HSH2D: variants seen among roughly 807,000 people sequenced by gnomAD.
The protein encoded by HSH2D is hematopoietic SH2 domain containing.
HSH2D carries 16 observed loss-of-function variants against 21.5 expected under a neutral mutation model. The observed-to-expected ratio is 0.74, with a 90% CI of 0.50 to 1.13. The LOEUF (loss-of-function observed/expected upper bound fraction) is 1.13. Ranked by LOEUF, HSH2D falls within the 50% of genes most tolerant of loss-of-function variation. The probability of loss-of-function intolerance (pLI) is 0.00; values close to 1 mark genes in which losing one functional copy is unlikely to be tolerated. For missense variants in HSH2D, 418 were observed against 441.4 expected (o/e 0.95, Z 0.47); for synonymous variants, 172 against 184.7 (o/e 0.93, Z 0.56).
intron 5 of HSH2D, among the ~76,000 whole-genome samples, chr19:16,156,844 C>T (rs1244232854): frequency 1.3e-5 from 2 of 152,004 alleles, no homozygotes; most frequent in Non-Finnish European, 2.9e-5. Flanking sequence ...AAAAATTAGC[C>T]AGGCGTGGTG....
chr19:16,142,845 T>C (rs971528587), upstream of HSH2D, among the ~76,000 whole-genome samples: 2 of 151,648 alleles, frequency 1.3e-5, no homozygotes, highest in South Asian at 4.2e-4. Context: ...TGATCTCGGC[T>C]CACTGCAGCC....
At chr19:16,145,242 T>C (rs1381735767) in intron 1 of HSH2D, among the ~76,000 whole-genome samples, 1 of 152,010 alleles carries the variant, frequency 6.6e-6, no homozygotes, top group Non-Finnish European at 1.5e-5. Context: ...AGATGGAGTC[T>C]TGCTCTGTTG....
At chr19:16,145,308 A>T (rs1380759662) in intron 1 of HSH2D, among the ~76,000 whole-genome samples, 1 of 150,930 alleles carries the variant, frequency 6.6e-6, no homozygotes, top group Non-Finnish European at 1.5e-5. Context: ...CGCCTCCCAG[A>T]TTCACGCAAT....
upstream of HSH2D, among the ~76,000 whole-genome samples, chr19:16,143,170 C>T (rs139410119): frequency 2.2e-3 from 334 of 151,586 alleles, no homozygotes; most frequent in African/African-American, 7.8e-3. Context: ...CTGCAACCTC[C>T]GCCTCCCGGG....
chr19:16,137,716 G>T (rs911087603), intron 1 of HSH2D, among the ~76,000 whole-genome samples: 2 of 152,126 alleles, frequency 1.3e-5, no homozygotes, highest in Admixed American at 6.5e-5. Flanking sequence ...CAAGTAGCTG[G>T]TACTACAGGT....
chr19:16,153,668 A>C (rs936845557), intron 4 of HSH2D, among the ~76,000 whole-genome samples: 4 of 106,766 alleles, frequency 3.7e-5, no homozygotes, highest in East Asian at 2.8e-4. Flanking sequence ...TTTCCTTAGA[A>C]GCTCGGTGGG....
chr19:16,147,836 G>C (rs1454844692), intron 1 of HSH2D, among the ~76,000 whole-genome samples: 1 of 152,016 alleles, frequency 6.6e-6, no homozygotes, highest in South Asian at 2.1e-4. Context: ...GTAGTGACAG[G>C]GTTTCACCAC....
At chr19:16,155,620 T>C (rs967704020) in intron 5 of HSH2D, 4 of 17,018 alleles carry the variant, frequency 2.4e-4, no homozygotes, top group South Asian at 3.2e-3. Context: ...ATGGGAGGAC[T>C]TTTTTTTTTT....
At chr19:16,151,976 G>A (rs1343815163) in intron 2 of HSH2D, among the ~76,000 whole-genome samples, 1 of 149,632 alleles carries the variant, frequency 6.7e-6, no homozygotes. Flanking sequence ...GCATGGTGGC[G>A]GGCGCCTGTA....
chr19:16,145,255 C>G (rs1354884007), intron 1 of HSH2D, among the ~76,000 whole-genome samples: 2 of 151,936 alleles, frequency 1.3e-5, no homozygotes, highest in African/African-American at 4.8e-5. Context: ...CTCTGTTGCC[C>G]AGGCTGGAGT....
intron 5 of HSH2D, chr19:16,155,619 CTTTTT>C (rs35262744): frequency 4.4e-5 from 5 of 114,162 alleles, no homozygotes; most frequent in East Asian, 2.6e-4. Context: ...CATGGGAGGA[CTTTTT>C]TTTTTTTTTT....
intron 5 of HSH2D, chr19:16,154,756 C>T (rs2091216595): frequency 3.2e-6 from 1 of 312,216 alleles, no homozygotes; most frequent in Non-Finnish European, 6.1e-6. Flanking sequence ...CTCGGGGTCT[C>T]TGCGTGTGCC....
chr19:16,152,469 G>A, intron 2 of HSH2D, 83 bp from the exon 3 acceptor site: 12 of 725,682 alleles, frequency 1.7e-5, no homozygotes, highest in Non-Finnish European at 2.5e-5. Flanking sequence ...CCTTCTCCAT[G>A]AATGATCCCA....
chr19:16,151,548 G>T (rs983446677), intron 2 of HSH2D: 1 of 455,858 alleles, frequency 2.2e-6, no homozygotes. Context: ...GTAGAGCTGG[G>T]TTATGAACTC....
At chr19:16,142,271 A>G (rs1599408868), upstream of HSH2D, among the ~76,000 whole-genome samples, 1 of 152,206 alleles carries the variant, frequency 6.6e-6, no homozygotes, top group East Asian at 1.9e-4. Flanking sequence ...CTACAAAAAA[A>G]TATACTCTTT....
intron 1 of HSH2D, among the ~76,000 whole-genome samples, chr19:16,135,920 T>C (rs1345175541): frequency 1.3e-5 from 2 of 152,176 alleles, no homozygotes; most frequent in Non-Finnish European, 2.9e-5. Context: ...AAATGGCCTC[T>C]AGGGTGAGCA....
At chr19:16,150,762 G>A (rs899065312) in intron 2 of HSH2D, among the ~76,000 whole-genome samples, 1 of 152,130 alleles carries the variant, frequency 6.6e-6, no homozygotes, top group Non-Finnish European at 1.5e-5. Flanking sequence ...GGAGGCTGAG[G>A]TGGGAGGATC....
chr19:16,157,948 A>G lies in HSH2D; in HGVS notation c.*154A>G, dbSNP rs914190391. On this transcript the variant is annotated 3_prime_UTR_variant, in exon 6 of 6. Coordinates refer to ENST00000613986, the MANE Select transcript of HSH2D (RefSeq NM_001382417.1). This position sits in a 1 kb window ranked among gnomAD's most constrained non-coding sequence, Gnocchi z 4.4. Reference sequence around the variant, plus strand: ...AGATGTTTTTGGGGTCTGTTCCTGCACTCACCCATGGGGTGAGCTGGTTAT... The same window carrying G: ...AGATGTTTTTGGGGTCTGTTCCTGCGCTCACCCATGGGGTGAGCTGGTTAT... The G allele has an allele frequency of 4.9e-6, 3 of 608,254 alleles. No individual in the cohort carries two copies. Among genetic ancestry groups the G allele is most frequent in the Admixed American group, 3.0e-5 (1 of 33,358 alleles). The allele number at this position is 608,254 out of a possible 1,614,324, so 37.7% of individuals were successfully genotyped here. A position where few individuals can be genotyped will look rare whatever the true frequency, so the allele number is the denominator to read the frequency against.
chr19:16,149,875 C>G (rs2091125921), intron 2 of HSH2D, among the ~76,000 whole-genome samples: 1 of 151,748 alleles, frequency 6.6e-6, no homozygotes, highest in Non-Finnish European at 1.5e-5. Flanking sequence ...GCCACCGTGC[C>G]TGGCCCCAAT....
Sources: gnomAD v4.1 joint callset for allele counts (sites outside exome capture counted in the v4.1 genomes callset) on GRCh38, gnomAD v4.1.1 for gene constraint, Gnocchi (gnomAD v3.1) non-coding constraint, MANE v1.5 for transcripts, NCBI Gene and HGNC (gene_info 2026-07-23, HGNC 2026-07-21) for gene names.